The following SYNE2 variants were observed in gnomAD, a reference collection of about 807,000 sequenced individuals.
SYNE2 encodes the protein spectrin repeat containing nuclear envelope protein 2, also known as nesprin-2.
A neutral mutation model predicts 856.3 loss-of-function variants in SYNE2; 431 were observed. The observed-to-expected ratio is 0.50, with a 90% CI of 0.47 to 0.55. The LOEUF (loss-of-function observed/expected upper bound fraction) is 0.55, where lower values mean the gene tolerates loss of function less well. SYNE2 is among the 20% of genes least tolerant of loss of function. The pLI, the probability that SYNE2 is intolerant of heterozygous loss-of-function variation, is 0.00. For synonymous variants in SYNE2, 2,923 were observed against 2,872.3 expected (o/e 1.02, Z -0.56); for missense variants, 8,129 against 8,023.2 (o/e 1.01, Z -0.50).
intron 28 of SYNE2, among the ~76,000 whole-genome samples, chr14:64,001,553 T>C (rs936460999): frequency 6.6e-6 from 1 of 152,256 alleles, no homozygotes; most frequent in East Asian, 1.9e-4. Flanking sequence ...AAAAGAATAC[T>C]TGGATATTGG....
chr14:64,209,659 A>G, intron 102 of SYNE2, 81 bp downstream of exon 102: 3 of 1,580,492 alleles, frequency 1.9e-6, no homozygotes, highest in Non-Finnish European at 2.6e-6. Flanking sequence ...GACTTCCTCT[A>G]AGTAGCCAGC....
Position 64,167,218 on chromosome 14 carries a change from A to ATT in SYNE2, c.16606-10_16606-9dup, listed in dbSNP as rs778618837. 1 of 1,613,952 alleles carries ATT rather than the reference A, an allele frequency of 6.2e-7. No individual in the cohort carries two copies. The highest frequency in any genetic ancestry group is 1.3e-5 in the African/African-American group (1 of 75,022). On this transcript the variant is annotated splice_polypyrimidine_tract_variant and intron_variant, in intron 90 of 115. Coordinates refer to ENST00000555002, the MANE Select transcript of SYNE2 (RefSeq NM_182914.3). ...TTGGCATCCAAAAACCTGTACTTCA[A>ATT]TTTTTTAAAAATAGAATCATGTGCT... is the stretch of plus-strand genomic sequence containing the variant.
At chr14:64,041,925 A>G (rs573998909) in intron 45 of SYNE2, among the ~76,000 whole-genome samples, 1 of 152,306 alleles carries the variant, frequency 6.6e-6, no homozygotes, top group East Asian at 1.9e-4. Flanking sequence ...CAGTAATTCA[A>G]TGTGGAGGAT....
chr14:64,186,545 A>G lies in SYNE2; in HGVS notation c.17678A>G (p.His5893Arg). The change falls in exon 97 of 116, where the codon CAT becomes CGT. Residue 5893 changes from histidine (H) to arginine (R), a missense_variant. By Grantham distance (29) the His-to-Arg change is conservative (BLOSUM62 0). Transcript: ENST00000555002. ...DVMVLKEQIE[H>R]LHRQWEDLCL... ...ATGGTTTTGAAGGAGCAAATAGAGC[A>G]TTTGCACAGACAATGGGAGGACCTC... is the stretch of plus-strand genomic sequence containing the variant. 1 of 1,614,244 alleles carries G rather than the reference A, an allele frequency of 6.2e-7. No homozygotes were observed.
chr14:63,937,140 A>G (rs1417705902), intron 2 of SYNE2, among the ~76,000 whole-genome samples: 1 of 152,176 alleles, frequency 6.6e-6, no homozygotes, highest in Non-Finnish European at 1.5e-5. Flanking sequence ...TCAAGTGACC[A>G]TGATGAGAAG....
intron 87 of SYNE2, among the ~76,000 whole-genome samples, chr14:64,161,562 G>T (rs1036271285): frequency 6.6e-6 from 1 of 152,030 alleles, no homozygotes; most frequent in Non-Finnish European, 1.5e-5. Flanking sequence ...CAGGCATACA[G>T]TTCAGTGTTT....
At chr14:64,219,487 C>T in intron 110 of SYNE2, 77 bp downstream of exon 110, 1 of 1,469,374 alleles carries the variant, frequency 6.8e-7, no homozygotes, top group Non-Finnish European at 9.5e-7. Flanking sequence ...CGAGCAGATC[C>T]CATGTATTCG....
chr14:64,049,303 T>A (rs980500309), intron 46 of SYNE2: 3 of 155,924 alleles, frequency 1.9e-5, no homozygotes, highest in African/African-American at 2.4e-5. Flanking sequence ...TAAAAAAAAT[T>A]ATCTGGGTGT....
At chr14:64,209,782 C>G (rs1005840333) in intron 102 of SYNE2, 160 bp from the exon 103 acceptor site, 2 of 1,160,884 alleles carry the variant, frequency 1.7e-6, no homozygotes, top group Non-Finnish European at 2.5e-6. Flanking sequence ...AACTTGAAAG[C>G]CTGTTCTGTA....
chr14:63,927,840 C>T (rs561369892), intron 2 of SYNE2, among the ~76,000 whole-genome samples: 1 of 151,010 alleles, frequency 6.6e-6, no homozygotes, highest in East Asian at 2.0e-4. Flanking sequence ...TGCAGTGAGC[C>T]GAGATCACAC....
intron 92 of SYNE2, among the ~76,000 whole-genome samples, chr14:64,167,990 G>C (rs1237747586): frequency 6.6e-6 from 1 of 152,142 alleles, no homozygotes; most frequent in Non-Finnish European, 1.5e-5. Flanking sequence ...ATTCTCCATA[G>C]TATTAAAGCA....
chr14:63,986,510 G>A lies in SYNE2; in HGVS notation c.2206G>A (p.Ala736Thr), dbSNP rs781359086. 1.2e-6 allele frequency: 2 copies of A among 1,614,166 alleles called. No individual in the cohort carries two copies. The highest frequency in any genetic ancestry group is 2.2e-5 in the South Asian group (2 of 91,080). ...AGAATTCACAGGGCAACTAAAAGTGGCTAAAGATGTTGAAAAACTCATTGG... is the reference window on the plus strand; with the variant it reads ...AGAATTCACAGGGCAACTAAAAGTGACTAAAGATGTTGAAAAACTCATTGG... ...NEEFTGQLKV[A>T]KDVEKLIGQV... Residue 736 changes from alanine (A) to threonine (T), a missense_variant, in exon 19 of 116, where the codon GCT becomes ACT. This residue lies in a region of SYNE2 where 2,422 missense variants were observed against 2,357.4 expected (regional missense o/e 1.03). Transcript: ENST00000555002.
At chr14:63,927,902 A>AT (rs1188383517) in intron 2 of SYNE2, among the ~76,000 whole-genome samples, 1 of 151,936 alleles carries the variant, frequency 6.6e-6, no homozygotes. Flanking sequence ...AAAAAAAAAA[A>AT]CATGCCTTTC....
intron 32 of SYNE2, among the ~76,000 whole-genome samples, chr14:64,016,124 G>A (rs1466361960): frequency 6.6e-6 from 1 of 151,808 alleles, no homozygotes; most frequent in Non-Finnish European, 1.5e-5. Context: ...TTAGGCAGAT[G>A]TAGGGACTTT....
chr14:63,891,368 GT>G (rs1251711450), intron 1 of SYNE2, among the ~76,000 whole-genome samples: 1 of 152,194 alleles, frequency 6.6e-6, no homozygotes, highest in African/African-American at 2.4e-5. Context: ...GAAAAGGGGA[GT>G]CACTTATGGG....
At position 63,893,307 on chromosome 14, in the gene SYNE2, G is replaced by A. The variant is rs113081457; in HGVS notation, c.-51-15791G>A. ...GGTGCGGTGGCTCGCACTTTTAATC[G>A]TAGCCGTTTGGGAGGCCAAAGCAGT... On this transcript the variant is annotated intron_variant, in intron 1 of 115. Coordinates refer to ENST00000555002, the MANE Select transcript of SYNE2 (RefSeq NM_182914.3). Among the ~76,000 whole-genome samples, 449 of 152,248 alleles carry A rather than the reference G, an allele frequency of 2.9e-3. 4 individuals are homozygous for A. The highest frequency in any genetic ancestry group is 0.01 in the African/African-American group (418 of 41,552).
chr14:63,916,816 G>A (rs951201760), intron 2 of SYNE2, among the ~76,000 whole-genome samples: 2 of 152,116 alleles, frequency 1.3e-5, no homozygotes, highest in African/African-American at 4.8e-5. Context: ...TGGTGCAGTG[G>A]CTCACACCTG....
chr14:64,213,784 C>G (rs1333243870), intron 105 of SYNE2, among the ~76,000 whole-genome samples: 1 of 152,116 alleles, frequency 6.6e-6, no homozygotes, highest in Non-Finnish European at 1.5e-5. Flanking sequence ...AAAGAAAGAA[C>G]CTGGTGCATC....
At chr14:63,916,891 C>T (rs562566325) in intron 2 of SYNE2, among the ~76,000 whole-genome samples, 1 of 151,816 alleles carries the variant, frequency 6.6e-6, no homozygotes, top group South Asian at 2.1e-4. Flanking sequence ...TGAGACCAGC[C>T]TGGGCAATGT....
Sources: gnomAD v4.1 joint callset for allele counts (sites outside exome capture counted in the v4.1 genomes callset) on GRCh38, gnomAD v4.1.1 for gene constraint, gnomAD v4.1.1 regional missense constraint, MANE v1.5 for transcripts, NCBI Gene and HGNC (gene_info 2026-07-23, HGNC 2026-07-21) for gene names.